PAIP2B: variants seen among roughly 807,000 people sequenced by gnomAD.
PAIP2B encodes the protein poly(A) binding protein interacting protein 2B.
PAIP2B carries 13 observed loss-of-function variants against 17.0 expected under a neutral mutation model. The ratio of observed to expected loss-of-function variants is 0.76; its 90% CI spans 0.50 to 1.22. PAIP2B has a LOEUF of 1.22. Ranked by LOEUF, PAIP2B falls within the 50% of genes most tolerant of loss-of-function variation. The pLI is 0.00. For synonymous variants in PAIP2B, 43 were observed against 48.7 expected (o/e 0.88, Z 0.48); for missense variants, 117 against 144.5 (o/e 0.81, Z 0.98).
At chr2:71,211,576 A>G (rs1028715774) in intron 1 of PAIP2B, among the ~76,000 whole-genome samples, 5 of 151,158 alleles carry the variant, frequency 3.3e-5, no homozygotes, top group Non-Finnish European at 5.9e-5. Flanking sequence ...AGTGTTCTAC[A>G]AACTACAGTC....
intron 1 of PAIP2B, among the ~76,000 whole-genome samples, chr2:71,216,655 C>T (rs1054914834): frequency 1.3e-5 from 2 of 152,190 alleles, no homozygotes; most frequent in African/African-American, 4.8e-5. Flanking sequence ...AATTCTCAGG[C>T]CCCACCCTAG....
chr2:71,217,841 G>GC (rs1553448558), intron 1 of PAIP2B, among the ~76,000 whole-genome samples: 1 of 151,948 alleles, frequency 6.6e-6, no homozygotes, highest in African/African-American at 2.4e-5. Flanking sequence ...GCCAAGGGGG[G>GC]AGATTACTTG....
At chr2:71,193,083 C>T (rs1185857300) in intron 2 of PAIP2B, among the ~76,000 whole-genome samples, 1 of 152,210 alleles carries the variant, frequency 6.6e-6, no homozygotes, top group African/African-American at 2.4e-5. Context: ...TTCTCCACAA[C>T]CTCACCAGCA....
At chr2:71,189,708 C>T in intron 3 of PAIP2B, 137 bp downstream of exon 3, 1 of 729,512 alleles carries the variant, frequency 1.4e-6, no homozygotes. Flanking sequence ...TTAATAATGC[C>T]CATAAAACGA....
intron 1 of PAIP2B, among the ~76,000 whole-genome samples, chr2:71,216,845 C>T (rs1325655976): frequency 6.6e-6 from 1 of 152,182 alleles, no homozygotes; most frequent in African/African-American, 2.4e-5. Flanking sequence ...AATTAAAAGA[C>T]ATATATCTCC....
At chr2:71,226,761 G>C (rs1325335625) in intron 1 of PAIP2B, among the ~76,000 whole-genome samples, 167 bp downstream of exon 1, 4 of 152,208 alleles carry the variant, frequency 2.6e-5, no homozygotes, top group Admixed American at 6.5e-5. Flanking sequence ...CGATGGCCGC[G>C]ACGTGGGACC....
chr2:71,207,579 T>A (rs759851015), intron 1 of PAIP2B, among the ~76,000 whole-genome samples: 18 of 152,162 alleles, frequency 1.2e-4, no homozygotes, highest in Non-Finnish European at 2.2e-4. Context: ...GGAAAATGGA[T>A]TGCAGAGACT....
chr2:71,217,507 A>T (rs1341891980), intron 1 of PAIP2B, among the ~76,000 whole-genome samples: 1 of 152,204 alleles, frequency 6.6e-6, no homozygotes, highest in African/African-American at 2.4e-5. Context: ...CATACTTCCA[A>T]GTTAATAGAA....
chr2:71,191,269 T>A (rs1237992260), intron 2 of PAIP2B, among the ~76,000 whole-genome samples: 1 of 152,226 alleles, frequency 6.6e-6, no homozygotes, highest in Non-Finnish European at 1.5e-5. Flanking sequence ...GACTTAAGAA[T>A]AGTATTTGAA....
chr2:71,187,467 T>C lies in PAIP2B; in HGVS notation c.*1012A>G, dbSNP rs1674568366. 1 of 152,152 alleles carries C rather than the reference T, an allele frequency of 6.6e-6. No individual in the cohort carries two copies. Among genetic ancestry groups the C allele is most frequent in the Non-Finnish European group, 1.5e-5 (1 of 68,024 alleles). 9.4% of individuals were successfully genotyped at this position (152,152 alleles called of 1,614,324 possible). ...AACTGTGAACTGAGCTTCTTACTAGTGTCCTGAAAAATATTTCCTTAAAAA... is the reference window on the plus strand; with the variant it reads ...AACTGTGAACTGAGCTTCTTACTAGCGTCCTGAAAAATATTTCCTTAAAAA... On this transcript the variant is annotated 3_prime_UTR_variant, in exon 4 of 4. Coordinates refer to ENST00000244221, the MANE Select transcript of PAIP2B (RefSeq NM_020459.1).
intron 2 of PAIP2B, among the ~76,000 whole-genome samples, chr2:71,200,776 C>CA (rs1017417288): frequency 1.3e-5 from 2 of 151,814 alleles, no homozygotes; most frequent in Admixed American, 6.6e-5. Context: ...CAAAAAACAA[C>CA]AAAAAAACCC....
intron 1 of PAIP2B, among the ~76,000 whole-genome samples, chr2:71,203,228 T>C (rs1269117673): frequency 6.6e-6 from 1 of 152,152 alleles, no homozygotes; most frequent in Non-Finnish European, 1.5e-5. Flanking sequence ...AATAGGATCA[T>C]GTGATACAAG....
At chr2:71,204,973 T>A (rs4637148) in intron 1 of PAIP2B, among the ~76,000 whole-genome samples, 127,859 of 152,042 alleles carry the variant, frequency 0.84, 53,848 homozygotes, top group Admixed American at 0.88. Context: ...TCAGTTTTTT[T>A]AAAAAAAATC....
At chr2:71,214,733 T>A (rs1675385138) in intron 1 of PAIP2B, among the ~76,000 whole-genome samples, 1 of 152,194 alleles carries the variant, frequency 6.6e-6, no homozygotes, top group Admixed American at 6.5e-5. Flanking sequence ...GGATGCTGCA[T>A]CAGACACACT....
chr2:71,188,340 T>G lies in PAIP2B; in HGVS notation c.*139A>C. 1 of 663,808 alleles carries G rather than the reference T, an allele frequency of 1.5e-6. No homozygotes were observed. Among genetic ancestry groups the G allele is most frequent in the Middle Eastern group, 3.7e-4 (1 of 2,692 alleles). 41.1% of individuals were successfully genotyped at this position (663,808 alleles called of 1,614,324 possible). On this transcript the variant is annotated 3_prime_UTR_variant, in exon 4 of 4. Coordinates refer to ENST00000244221, the MANE Select transcript of PAIP2B (RefSeq NM_020459.1). ...GACTGAGCATATTAGTTACTCAGAG[T>G]CACAGTATTGTGAGACCACCACTCC...
At chr2:71,190,656 A>T (rs1185881386) in intron 2 of PAIP2B, among the ~76,000 whole-genome samples, 1 of 152,230 alleles carries the variant, frequency 6.6e-6, no homozygotes, top group Non-Finnish European at 1.5e-5. Context: ...TATCATGGAA[A>T]ATCATTTTAG....
chr2:71,224,119 C>A (rs766139371), intron 1 of PAIP2B, among the ~76,000 whole-genome samples: 16 of 152,202 alleles, frequency 1.1e-4, no homozygotes, highest in Admixed American at 3.3e-4. Flanking sequence ...GACCAGAGGA[C>A]AGAGACAGCA....
At chr2:71,206,099 C>A (rs1390025072) in intron 1 of PAIP2B, among the ~76,000 whole-genome samples, 1 of 152,324 alleles carries the variant, frequency 6.6e-6, no homozygotes, top group African/African-American at 2.4e-5. Context: ...ACCTGCTAAT[C>A]TTTGGGGAAA....
In PAIP2B at chr2:71,186,488, AAAG is replaced by A. The variant is rs1440766958; in HGVS notation, c.*1988_*1990del. The A allele has an allele frequency of 1.3e-5, 2 of 152,230 alleles. No individual in the cohort carries two copies. Among genetic ancestry groups the A allele is most frequent in the East Asian group, 3.8e-4 (2 of 5,200 alleles). 9.4% of individuals were successfully genotyped at this position (152,230 alleles called of 1,614,324 possible). ...CAAAACAGACCAGCACAGCAGAAGG[AAAG>A]ACAAGCTCCTTTCTCTCTGCAATCC... On this transcript the variant is annotated 3_prime_UTR_variant, in exon 4 of 4. Coordinates refer to ENST00000244221, the MANE Select transcript of PAIP2B (RefSeq NM_020459.1).
Sources: allele counts gnomAD v4.1 joint callset (sites outside exome capture counted in the v4.1 genomes callset), GRCh38; gene constraint gnomAD v4.1.1; transcripts MANE v1.5; gene names NCBI Gene and HGNC (gene_info 2026-07-23, HGNC 2026-07-21).